SEPTIN7: variants seen among roughly 807,000 people sequenced by gnomAD.
SEPTIN7 encodes the protein septin-7.
SEPTIN7 carries 10 observed loss-of-function variants against 63.3 expected under a neutral mutation model. The observed-to-expected ratio is 0.16, with a 90% confidence interval of 0.10 to 0.27. The LOEUF (loss-of-function observed/expected upper bound fraction) is 0.27, where lower values mean the gene tolerates loss of function less well. Ranked by LOEUF, SEPTIN7 falls within the 10% of genes least tolerant of loss-of-function variation. The pLI, the probability that SEPTIN7 is intolerant of heterozygous loss-of-function variation, is 1.00. For synonymous variants in SEPTIN7, 131 were observed against 165.3 expected (o/e 0.79, Z 1.59); for missense variants, 310 against 521.0 (o/e 0.59, Z 3.94).
chr7:35,812,929 C>T (rs1483695504), intron 1 of SEPTIN7, among the ~76,000 whole-genome samples: 2 of 152,106 alleles, frequency 1.3e-5, no homozygotes, highest in Non-Finnish European at 2.9e-5. Context: ...TAGACTGGGG[C>T]ACAGATTTCT....
intron 3 of SEPTIN7, among the ~76,000 whole-genome samples, chr7:35,851,247 C>G (rs1272621786): frequency 1.3e-5 from 2 of 152,048 alleles, no homozygotes; most frequent in African/African-American, 4.8e-5. Flanking sequence ...TCTAGTTACT[C>G]TTGTTTCTTA....
At chr7:35,850,722 A>G (rs892483468) in intron 3 of SEPTIN7, among the ~76,000 whole-genome samples, 6 of 152,150 alleles carry the variant, frequency 3.9e-5, no homozygotes, top group Admixed American at 3.9e-4. Flanking sequence ...TTTTGATAAA[A>G]TTCTGCCTTG....
chr7:35,898,640 T>C, intron 12 of SEPTIN7: 1 of 278,128 alleles, frequency 3.6e-6, no homozygotes, highest in Non-Finnish European at 6.7e-6. Context: ...AATTATTAGT[T>C]ATAATGAACA....
At chr7:35,842,514 A>G (rs1376699895) in intron 3 of SEPTIN7, among the ~76,000 whole-genome samples, 4 of 152,166 alleles carry the variant, frequency 2.6e-5, no homozygotes, top group African/African-American at 9.7e-5. Context: ...GGAATGCTGA[A>G]TGGGTTCACT....
At chr7:35,889,790 CG>C (rs1000085905) in intron 10 of SEPTIN7, among the ~76,000 whole-genome samples, 3 of 152,164 alleles carry the variant, frequency 2.0e-5, no homozygotes, top group African/African-American at 4.8e-5. Context: ...GCAATCTGCC[CG>C]CCCCGGCCTC....
intron 4 of SEPTIN7, among the ~76,000 whole-genome samples, chr7:35,868,614 A>G (rs186343298): frequency 6.6e-6 from 1 of 152,210 alleles, no homozygotes; most frequent in East Asian, 1.9e-4. Context: ...GCTATTAAGG[A>G]AGGGATGAAA....
intron 12 of SEPTIN7, chr7:35,902,840 C>CT (rs34683813): frequency 1.8e-3 from 611 of 331,218 alleles, no homozygotes; most frequent in South Asian, 5.8e-3. Flanking sequence ...AAGTTTGTTG[C>CT]TTTTTTTTTT....
intron 7 of SEPTIN7, among the ~76,000 whole-genome samples, 200 bp downstream of exon 7, chr7:35,880,140 C>T (rs1452944560): frequency 6.6e-6 from 1 of 151,244 alleles, no homozygotes; most frequent in African/African-American, 2.4e-5. Context: ...TGTAATAACA[C>T]CCCCACACAG....
intron 9 of SEPTIN7, among the ~76,000 whole-genome samples, chr7:35,884,707 A>G (rs1562576615): frequency 6.6e-6 from 1 of 152,182 alleles, no homozygotes; most frequent in Admixed American, 6.5e-5. Flanking sequence ...CCTCAGTGCA[A>G]AAGTTGCCCT....
At chr7:35,910,025 AG>A (rs895734097), downstream of SEPTIN7, among the ~76,000 whole-genome samples, 2 of 152,196 alleles carry the variant, frequency 1.3e-5, no homozygotes, top group African/African-American at 4.8e-5. Flanking sequence ...ATCACTGGCA[AG>A]TTGACGTTAA....
the SEPTIN7 span, among the ~76,000 whole-genome samples, chr7:35,915,152 CAT>C: frequency 6.6e-6 from 1 of 151,824 alleles, no homozygotes; most frequent in African/African-American, 2.4e-5. Flanking sequence ...CACATGTATA[CAT>C]GTGTACATAT....
chr7:35,816,768 C>T (rs1789095817), intron 1 of SEPTIN7, among the ~76,000 whole-genome samples: 1 of 152,166 alleles, frequency 6.6e-6, no homozygotes, highest in Non-Finnish European at 1.5e-5. Flanking sequence ...AACTATCCTA[C>T]TGGGTGTGAG....
chr7:35,886,028 C>G (rs1033614378), intron 10 of SEPTIN7, 149 bp downstream of exon 10: 15 of 605,310 alleles, frequency 2.5e-5, no homozygotes, highest in African/African-American at 2.3e-4. Flanking sequence ...ATAGATGATT[C>G]TTTCTCCAAG....
At chr7:35,893,565 T>G (rs1787779469) in intron 11 of SEPTIN7, among the ~76,000 whole-genome samples, 1 of 152,184 alleles carries the variant, frequency 6.6e-6, no homozygotes, top group Non-Finnish European at 1.5e-5. Context: ...AAGTACACTA[T>G]GTTGTTGAAC....
chr7:35,803,351 T>G (rs1253742179), intron 1 of SEPTIN7, among the ~76,000 whole-genome samples: 1 of 152,148 alleles, frequency 6.6e-6, no homozygotes, highest in Non-Finnish European at 1.5e-5. Flanking sequence ...TTACAGAACC[T>G]AGGAGAATTT....
the SEPTIN7 span, among the ~76,000 whole-genome samples, chr7:35,915,258 C>CATATAT: frequency 6.6e-6 from 1 of 151,336 alleles, no homozygotes; most frequent in African/African-American, 2.4e-5. Context: ...CGCTCATACA[C>CATATAT]ATATATATAT....
Position 35,903,117 on chromosome 7 carries a change from A to G in SEPTIN7, c.1176A>G (p.Ala392=), listed in dbSNP as rs767365317. The stretch of plus-strand genomic sequence containing the variant: ...AGCAAATGAAAAAGAATTTGGAAGC[A>G]CAGCACAAAGAATTGGAGGAAAAAC... ...RHEQMKKNLE[A]QHKELEEKRR... is the part of the protein sequence containing the mutation. The change falls in exon 13 of 14, where the codon GCA becomes GCG. Residue 392 remains alanine, a synonymous_variant. Transcript: ENST00000350320. 18 of 1,579,544 alleles carry G rather than the reference A, an allele frequency of 1.1e-5. No individual in the cohort carries two copies. Among genetic ancestry groups the G allele is most frequent in the Non-Finnish European group, 1.5e-5 (18 of 1,163,594 alleles).
chr7:35,806,251 C>G (rs150962445), intron 1 of SEPTIN7, among the ~76,000 whole-genome samples: 25 of 152,278 alleles, frequency 1.6e-4, no homozygotes, highest in Non-Finnish European at 3.5e-4. Context: ...ACTTAATATT[C>G]TTAGTATTTC....
intron 1 of SEPTIN7, among the ~76,000 whole-genome samples, chr7:35,815,361 C>G (rs894123961): frequency 6.6e-6 from 1 of 152,106 alleles, no homozygotes; most frequent in African/African-American, 2.4e-5. Context: ...ATATATACAT[C>G]TGTATTTTTG....
Sources: gnomAD v4.1 joint callset for allele counts (sites outside exome capture counted in the v4.1 genomes callset) on GRCh38, gnomAD v4.1.1 for gene constraint, MANE v1.5 for transcripts, NCBI Gene and HGNC (gene_info 2026-07-23, HGNC 2026-07-21) for gene names.